ENAM: variants seen among roughly 807,000 people sequenced by gnomAD.
The protein encoded by ENAM is enamelin.
A neutral mutation model predicts 33.6 loss-of-function variants in ENAM; 21 were observed. That is an observed-to-expected ratio of 0.63 (90% CI 0.44 to 0.90). The LOEUF (loss-of-function observed/expected upper bound fraction) is 0.90. ENAM is among the 40% of genes least tolerant of loss of function. ENAM has a pLI of 0.00. For missense variants in ENAM, 1,388 were observed against 1,366.9 expected (o/e 1.02, Z -0.24); for synonymous variants, 473 against 468.4 (o/e 1.01, Z -0.13).
At chr4:70,640,125 T>C (rs566911684) in intron 8 of ENAM, among the ~76,000 whole-genome samples, 2 of 152,236 alleles carry the variant, frequency 1.3e-5, no homozygotes, top group African/African-American at 2.4e-5. Flanking sequence ...TAAATGAAAA[T>C]TTATTAAGAA....
In ENAM at chr4:70,642,458, A is replaced by T. The variant is rs758338479; in HGVS notation, c.1032A>T (p.Arg344Ser). The T allele has an allele frequency of 6.2e-7, 1 of 1,614,022 alleles. No individual in the cohort carries two copies. Among genetic ancestry groups the T allele is most frequent in the Non-Finnish European group, 8.5e-7 (1 of 1,179,998 alleles). Reference protein sequence around the residue: ...WYFTGTVMGHRQNRPFYRNQQ... With the variant: ...WYFTGTVMGHSQNRPFYRNQQ... ...TCACTGGTACTGTCATGGGGCACAG[A>T]CAGAATAGGCCTTTTTACAGAAATC... is the stretch of plus-strand genomic sequence containing the variant. Residue 344 changes from arginine (R) to serine (S), a missense_variant, in exon 9 of 9, where the codon AGA (arginine) becomes AGT (serine). Arg to Ser is a moderately radical substitution (Grantham distance 110, BLOSUM62 -1). Transcript: ENST00000396073.
At chr4:70,633,577 T>G (rs190330064) in intron 5 of ENAM, among the ~76,000 whole-genome samples, 3 of 152,254 alleles carry the variant, frequency 2.0e-5, no homozygotes, top group African/African-American at 7.2e-5. Context: ...GAAGACTGGG[T>G]ATAGAGACAG....
chr4:70,639,191 T>C (rs1245473317), intron 8 of ENAM, among the ~76,000 whole-genome samples: 1 of 152,158 alleles, frequency 6.6e-6, no homozygotes, highest in Non-Finnish European at 1.5e-5. Flanking sequence ...ATAAAAATGA[T>C]TCAGATAATT....
chr4:70,644,037 A>C lies in ENAM; in HGVS notation c.2611A>C (p.Arg871=). Residue 871 remains arginine (R), a synonymous_variant, in exon 9 of 9, where the codon AGA becomes CGA. Transcript: ENST00000396073. ...KEAHLFHLSQ[R]GSCCAGSSTG... is the part of the protein sequence containing the mutation. ...AGCACATTTATTTCACCTAAGCCAG[A>C]GAGGCTCTTGCTGTGCTGGTAGCTC... 6.2e-7 allele frequency: 1 copy of C among 1,614,208 alleles called. No individual in the cohort carries two copies. Among genetic ancestry groups the C allele is most frequent in the Non-Finnish European group, 8.5e-7 (1 of 1,180,026 alleles).
At chr4:70,633,626 T>C (rs1176993463) in intron 5 of ENAM, among the ~76,000 whole-genome samples, 1 of 152,232 alleles carries the variant, frequency 6.6e-6, no homozygotes, top group Non-Finnish European at 1.5e-5. Flanking sequence ...TGAGAACTGA[T>C]GTTGCAAGAC....
chr4:70,629,567 A>T lies in ENAM; in HGVS notation c.54+13A>T. The T allele has an allele frequency of 6.2e-7, 1 of 1,604,502 alleles. No individual in the cohort carries two copies. Among genetic ancestry groups the T allele is most frequent in the African/African-American group, 1.3e-5 (1 of 74,822 alleles). On this transcript the variant is annotated intron_variant, in intron 2 of 8. Coordinates refer to ENST00000396073, the MANE Select transcript of ENAM (RefSeq NM_031889.3). ...ACTAGATAACTTGGTGAGTACTTTC[A>T]TTTATTTTTGCCAATACATACAGGT...
At chr4:70,631,612 A>G in intron 2 of ENAM, 58 bp from the exon 3 acceptor site, 1 of 1,233,594 alleles carries the variant, frequency 8.1e-7, no homozygotes, top group Non-Finnish European at 1.2e-6. Flanking sequence ...ATAAGTGCAG[A>G]GTGCCCTAAG....
rs901085393 is a variant in ENAM at position 70,643,530 on chromosome 4, T to A, written c.2104T>A (p.Tyr702Asn). 6.2e-7 allele frequency: 1 copy of A among 1,613,936 alleles called. No homozygotes were observed. The change falls in exon 9 of 9, where the codon TAT (tyrosine) becomes AAT (asparagine). Residue 702 changes from tyrosine to asparagine, a missense_variant. Coordinates refer to ENST00000396073, the MANE Select transcript of ENAM (RefSeq NM_031889.3). Reference sequence around the variant, plus strand: ...AAATCAGCCAAAGGAATATCTTCCCTATTCTTTAGATAATCCATCAAAACC... The same window carrying A: ...AAATCAGCCAAAGGAATATCTTCCCAATTCTTTAGATAATCCATCAAAACC... ...TSNQPKEYLPYSLDNPSKPRE... is the reference protein window; with the variant it reads ...TSNQPKEYLPNSLDNPSKPRE...
At chr4:70,639,955 A>C (rs569621855) in intron 8 of ENAM, among the ~76,000 whole-genome samples, 1 of 152,198 alleles carries the variant, frequency 6.6e-6, no homozygotes, top group East Asian at 1.9e-4. Context: ...ATCTTGGGAG[A>C]TATTTCCTTG....
At position 70,644,256 on chromosome 4, in the gene ENAM, C is replaced by T. The variant is rs1022432813; in HGVS notation, c.2830C>T (p.Pro944Ser). The change falls in exon 9 of 9, where the codon CCT becomes TCT. Residue 944 changes from proline (P) to serine (S), a missense_variant. Coordinates refer to ENST00000396073, the MANE Select transcript of ENAM (RefSeq NM_031889.3). The part of the protein sequence containing the change: ...NSSEKRESQN[P>S]FRDDVSTLRR... ...CTCAGAGAAGAGGGAAAGCCAAAAC[C>T]CTTTTAGAGATGATGTGTCCACGCT... 16 of 1,614,036 alleles carry T rather than the reference C, an allele frequency of 9.9e-6. No individual in the cohort carries two copies. The highest frequency in any genetic ancestry group is 1.3e-5 in the African/African-American group (1 of 74,916).
In ENAM at chr4:70,631,943, A is replaced by G. The variant is rs189048156; in HGVS notation, c.168+50A>G. On this transcript the variant is annotated intron_variant, in intron 4 of 8. Transcript: ENST00000396073. Reference sequence around the variant, plus strand: ...GAAGTTATCCAGAGTCCTATCCTACACATTTACTAAAAAGGAGAATATTGG... The same window carrying G: ...GAAGTTATCCAGAGTCCTATCCTACGCATTTACTAAAAAGGAGAATATTGG... 9.6e-6 allele frequency: 14 copies of G among 1,456,372 alleles called. 1 individual carries two copies. In the African/African-American group the frequency reaches 1.4e-4, roughly 14 times the overall value. 90.2% of individuals were successfully genotyped at this position (1,456,372 alleles called of 1,614,324 possible).
chr4:70,634,429 A>C lies in ENAM; in HGVS notation c.332A>C (p.Lys111Thr), dbSNP rs532584416. 1.6e-4 allele frequency: 254 copies of C among 1,614,082 alleles called. 3 individuals carry two copies. The highest frequency in any genetic ancestry group is 1.4e-3 in the South Asian group (130 of 91,080). Residue 111 changes from lysine (K) to threonine (T), a missense_variant, in exon 6 of 9, where the codon AAA (lysine) becomes ACA (threonine). Coordinates refer to ENST00000396073, the MANE Select transcript of ENAM (RefSeq NM_031889.3). Reference sequence around the variant, plus strand: ...CATCCACGGAAATCCTCAGCACCCAAACGTCATAACAAGACTGATCAGACC... The same window carrying C: ...CATCCACGGAAATCCTCAGCACCCACACGTCATAACAAGACTGATCAGACC... ...TWHPRKSSAP[K>T]RHNKTDQTQE...
rs1188433426 is a variant in ENAM at position 70,632,691 on chromosome 4, A to C, written c.209A>C (p.His70Pro). ...YNQFNFMNGP[H>P]MAHLGPFFGN... is the part of the protein sequence containing the mutation. The stretch of plus-strand genomic sequence containing the variant: ...CAATTCAACTTTATGAACGGCCCAC[A>C]TGTAAGTTTTTCTTTATGTTATTTC... Residue 70 changes from histidine (H) to proline (P), a missense_variant and splice_region_variant, in exon 5 of 9, where the codon CAT (histidine) becomes CCT (proline). By Grantham distance (77) the His-to-Pro change is moderately conservative (BLOSUM62 -2). Coordinates refer to ENST00000396073, the MANE Select transcript of ENAM (RefSeq NM_031889.3). 6.3e-7 allele frequency: 1 copy of C among 1,595,488 alleles called. No individual in the cohort carries two copies. The highest frequency in any genetic ancestry group is 8.6e-7 in the Non-Finnish European group (1 of 1,163,348).
In ENAM at chr4:70,643,834, A is replaced by G. The variant is rs1316896536; in HGVS notation, c.2408A>G (p.Gln803Arg). Residue 803 changes from glutamine (Q) to arginine (R), a missense_variant, in exon 9 of 9, where the codon CAG (glutamine) becomes CGG (arginine). Gln to Arg is a conservative substitution (Grantham distance 43). Transcript: ENST00000396073. ...LQKAPARPPDQKGNQPYYSNT... is the reference protein window; with the variant it reads ...LQKAPARPPDRKGNQPYYSNT... The stretch of plus-strand genomic sequence containing the variant: ...AAAGCCCCAGCTAGGCCACCAGACC[A>G]GAAAGGTAACCAGCCCTATTACAGT... 1.9e-6 allele frequency: 3 copies of G among 1,614,242 alleles called. No individual in the cohort carries two copies. Among genetic ancestry groups the G allele is most frequent in the Non-Finnish European group, 2.5e-6 (3 of 1,180,036 alleles).
chr4:70,643,639 C>G lies in ENAM; in HGVS notation c.2213C>G (p.Pro738Arg). The G allele has an allele frequency of 6.2e-7, 1 of 1,614,070 alleles. No homozygotes were observed. Among genetic ancestry groups the G allele is most frequent in the South Asian group, 1.1e-5 (1 of 91,090 alleles). ...TCATATAATACAGCTTCTACTATGCCACCACCTATAGAGAGCAGGGGCTAC... is the reference window on the plus strand; with the variant it reads ...TCATATAATACAGCTTCTACTATGCGACCACCTATAGAGAGCAGGGGCTAC... ...FPSYNTASTM[P>R]PPIESRGYYV... The change falls in exon 9 of 9, where the codon CCA becomes CGA. Residue 738 changes from proline to arginine, a missense_variant. Coordinates refer to ENST00000396073, the MANE Select transcript of ENAM (RefSeq NM_031889.3).
Position 70,645,812 on chromosome 4 carries a change from C to A in ENAM, c.*957C>A, listed in dbSNP as rs1399059076. 2 of 152,046 alleles carry A rather than the reference C, an allele frequency of 1.3e-5. No homozygotes were observed. The highest frequency in any genetic ancestry group is 4.8e-5 in the African/African-American group (2 of 41,382). 9.4% of individuals were successfully genotyped at this position (152,046 alleles called of 1,614,324 possible). ...GTTTTTAGTTATCTTAGGGTCTCTACCAAGTAGACACAGTTCAGTTAGAGA... is the reference window on the plus strand; with the variant it reads ...GTTTTTAGTTATCTTAGGGTCTCTAACAAGTAGACACAGTTCAGTTAGAGA... On this transcript the variant is annotated 3_prime_UTR_variant, in exon 9 of 9. Coordinates refer to ENST00000396073, the MANE Select transcript of ENAM (RefSeq NM_031889.3).
rs764420953 is a variant in ENAM at position 70,634,376 on chromosome 4, G to A, written c.279G>A (p.Met93Ile). 2 of 1,614,104 alleles carry A rather than the reference G, an allele frequency of 1.2e-6. No homozygotes were observed. Among genetic ancestry groups the A allele is most frequent in the Non-Finnish European group, 1.7e-6 (2 of 1,180,002 alleles). The change falls in exon 6 of 9, where the codon ATG becomes ATA. Residue 93 changes from methionine to isoleucine, a missense_variant. Coordinates refer to ENST00000396073, the MANE Select transcript of ENAM (RefSeq NM_031889.3). ...AATTTCCACAGTACCAGATGCCCAT[G>A]TGGCCTCAGCCACCACCCAACACAT... ...PQQFPQYQMPMWPQPPPNTWH... is the reference protein window; with the variant it reads ...PQQFPQYQMPIWPQPPPNTWH...
Position 70,642,954 on chromosome 4 carries a change from C to G in ENAM, c.1528C>G (p.Gln510Glu). 6.2e-7 allele frequency: 1 copy of G among 1,614,096 alleles called. No homozygotes were observed. Among genetic ancestry groups the G allele is most frequent in the Non-Finnish European group, 8.5e-7 (1 of 1,179,990 alleles). ...DSRKVPNSDG[Q>E]TQSQNLPKGI... Reference sequence around the variant, plus strand: ...CAGAAAAGTCCCAAATTCTGATGGACAAACCCAAAGCCAGAATTTGCCCAA... The same window carrying G: ...CAGAAAAGTCCCAAATTCTGATGGAGAAACCCAAAGCCAGAATTTGCCCAA... Residue 510 changes from glutamine to glutamate, a missense_variant, in exon 9 of 9, where the codon CAA (glutamine) becomes GAA (glutamate). By Grantham distance (29) the Gln-to-Glu change is conservative. Transcript: ENST00000396073.
chr4:70,634,091 G>A (rs1310225132), intron 5 of ENAM, among the ~76,000 whole-genome samples: 2 of 152,030 alleles, frequency 1.3e-5, no homozygotes, highest in African/African-American at 2.4e-5. Context: ...CTGCCTTTTG[G>A]TTTGTTTTGG....
Sources: gnomAD v4.1 joint callset for allele counts (sites outside exome capture counted in the v4.1 genomes callset) on GRCh38, gnomAD v4.1.1 for gene constraint, MANE v1.5 for transcripts, NCBI Gene and HGNC (gene_info 2026-07-23, HGNC 2026-07-21) for gene names.